MYO16: variants seen among roughly 807,000 people sequenced by gnomAD.
MYO16 encodes myosin XVI, also known as unconventional myosin-XVI.
MYO16 carries 94 observed loss-of-function variants against 205.3 expected under a neutral mutation model. That is an observed-to-expected ratio of 0.46 (90% CI 0.39 to 0.54). The LOEUF is 0.54. Among genes scored for constraint, MYO16 ranks in the 20% least tolerant of loss-of-function variants. The probability of loss-of-function intolerance (pLI) is 0.00; values close to 1 mark genes in which losing one functional copy is unlikely to be tolerated. For missense variants in MYO16, 2,315 were observed against 2,387.5 expected, an observed-to-expected ratio of 0.97 and a Z score of 0.63; for synonymous variants, 988 against 954.0, an observed-to-expected ratio of 1.04 and a Z score of -0.66.
chr13:108,914,681 C>T (rs552227469), intron 16 of MYO16, among the ~76,000 whole-genome samples: 45 of 152,208 alleles, frequency 3.0e-4, no homozygotes, highest in Middle Eastern at 6.8e-3. Context: ...TTTGCTCTGT[C>T]GCCCAGGCTG....
intron 22 of MYO16, among the ~76,000 whole-genome samples, chr13:109,017,512 G>C (rs1303551397): frequency 6.6e-6 from 1 of 152,134 alleles, no homozygotes; most frequent in East Asian, 1.9e-4. Flanking sequence ...ATGTTGGCCT[G>C]CCTTGCTCGG....
intron 27 of MYO16, among the ~76,000 whole-genome samples, chr13:109,068,497 A>G (rs1210588322): frequency 7.7e-6 from 1 of 130,150 alleles, no homozygotes; most frequent in Non-Finnish European, 1.7e-5. Flanking sequence ...GCCTGGGGTG[A>G]TATTTAGTCT....
At chr13:108,934,583 G>C (rs1882399311) in intron 16 of MYO16, among the ~76,000 whole-genome samples, 1 of 152,052 alleles carries the variant, frequency 6.6e-6, no homozygotes, top group East Asian at 1.9e-4. Flanking sequence ...TCGTTGTTCA[G>C]AAGCTCTTTA....
intron 3 of MYO16, among the ~76,000 whole-genome samples, chr13:108,717,439 G>A (rs1481141758): frequency 6.6e-6 from 1 of 151,874 alleles, no homozygotes; most frequent in African/African-American, 2.4e-5. Flanking sequence ...GACCACCCTG[G>A]CTAACATGAC....
At chr13:108,853,156 T>C (rs373676586) in intron 10 of MYO16, among the ~76,000 whole-genome samples, 1 of 152,220 alleles carries the variant, frequency 6.6e-6, no homozygotes, top group African/African-American at 2.4e-5. Context: ...CGCGCCTCTC[T>C]CTGAGAGCTG....
chr13:108,547,330 T>C, the MYO16 span, among the ~76,000 whole-genome samples: 2 of 151,250 alleles, frequency 1.3e-5, no homozygotes, highest in African/African-American at 4.9e-5. Flanking sequence ...GAGCCCACTG[T>C]CAATTCACTG....
chr13:108,831,323 T>C (rs1309561552), intron 9 of MYO16, among the ~76,000 whole-genome samples: 1 of 152,204 alleles, frequency 6.6e-6, no homozygotes, highest in Non-Finnish European at 1.5e-5. Flanking sequence ...AAATCATTTA[T>C]TATTTGTAAT....
chr13:109,169,282 G>T (rs903128756), intron 33 of MYO16, among the ~76,000 whole-genome samples: 2 of 151,816 alleles, frequency 1.3e-5, no homozygotes, highest in African/African-American at 4.8e-5. Flanking sequence ...CTAGAAATTA[G>T]AAACAGAACA....
intron 4 of MYO16, among the ~76,000 whole-genome samples, chr13:108,765,998 T>C (rs530934857): frequency 1.3e-5 from 2 of 152,186 alleles, no homozygotes; most frequent in Non-Finnish European, 2.9e-5. Context: ...ATCACAAACA[T>C]CTCAAAGAAT....
intron 4 of MYO16, among the ~76,000 whole-genome samples, chr13:108,750,936 A>T (rs1367689195): frequency 6.6e-6 from 1 of 152,234 alleles, no homozygotes; most frequent in Admixed American, 6.5e-5. Context: ...GGAGGAGGCT[A>T]GAGTGACTCA....
At chr13:108,826,701 C>T (rs1263661054) in intron 9 of MYO16, among the ~76,000 whole-genome samples, 1 of 151,918 alleles carries the variant, frequency 6.6e-6, no homozygotes, top group Non-Finnish European at 1.5e-5. Flanking sequence ...CAAATAACTC[C>T]CTTAAAAATG....
chr13:108,531,408 C>CT, the MYO16 span, among the ~76,000 whole-genome samples: 1 of 152,066 alleles, frequency 6.6e-6, no homozygotes. Flanking sequence ...GCTTTGCTGA[C>CT]TAGGTGGCAG....
At chr13:108,983,272 C>A (rs982325623) in intron 20 of MYO16, among the ~76,000 whole-genome samples, 3 of 152,172 alleles carry the variant, frequency 2.0e-5, no homozygotes, top group African/African-American at 7.2e-5. Context: ...TTCTCTCTTA[C>A]CAATGCATTT....
chr13:109,045,990 T>TCACC (rs758757528), intron 23 of MYO16, among the ~76,000 whole-genome samples: 29 of 151,586 alleles, frequency 1.9e-4, no homozygotes, highest in African/African-American at 4.9e-4. Flanking sequence ...GGAGGCAAAT[T>TCACC]CTCCCTCACG....
intron 22 of MYO16, among the ~76,000 whole-genome samples, chr13:109,016,769 C>T (rs1003932190): frequency 2.6e-5 from 4 of 151,784 alleles, no homozygotes; most frequent in African/African-American, 9.7e-5. Flanking sequence ...TTATGAGACA[C>T]AAGTATTGCA....
intron 1 of MYO16, among the ~76,000 whole-genome samples, chr13:108,643,490 A>G (rs1036813052): frequency 3.9e-5 from 6 of 152,248 alleles, no homozygotes; most frequent in Admixed American, 2.0e-4. Context: ...GTGTGGATGT[A>G]AGTTTTCATT....
chr13:109,021,665 CTACCTAGTATTTGGGAAGTTGT>C (rs1886026147), intron 23 of MYO16, among the ~76,000 whole-genome samples: 1 of 152,110 alleles, frequency 6.6e-6, no homozygotes. Flanking sequence ...AACACAGCAC[CTACCTAGTATTTGGGAAGTTGT>C]GTCAGAAGTT....
chr13:108,667,419 C>G, intron 2 of MYO16, among the ~76,000 whole-genome samples: 1 of 151,184 alleles, frequency 6.6e-6, no homozygotes, highest in East Asian at 1.9e-4. Flanking sequence ...CTTACTTTAC[C>G]CATGAAGGAA....
intron 21 of MYO16, among the ~76,000 whole-genome samples, chr13:109,003,977 A>G (rs1277259415): frequency 6.6e-6 from 1 of 152,224 alleles, no homozygotes; most frequent in Admixed American, 6.5e-5. Flanking sequence ...GGAAAAGAAA[A>G]TGTCATATAA....
Sources: allele counts gnomAD v4.1 joint callset (sites outside exome capture counted in the v4.1 genomes callset), GRCh38; gene constraint gnomAD v4.1.1; transcripts MANE v1.5; gene names NCBI Gene and HGNC (gene_info 2026-07-23, HGNC 2026-07-21).